Variants in PCDH15 observed in about 807,000 individuals in gnomAD.
PCDH15 encodes protocadherin related 15.
In PCDH15, 129 loss-of-function variants were observed where a neutral mutation model predicts 178.5. The ratio of observed to expected loss-of-function variants is 0.72; its 90% confidence interval spans 0.63 to 0.84. The LOEUF (loss-of-function observed/expected upper bound fraction) is 0.84, where lower values mean the gene tolerates loss of function less well. Ranked by LOEUF, PCDH15 falls within the 40% of genes least tolerant of loss-of-function variation. The pLI, the probability that PCDH15 is intolerant of heterozygous loss-of-function variation, is 0.00. For synonymous variants in PCDH15, 800 were observed against 732.0 expected (o/e 1.09, Z -1.50); for missense variants, 2,230 against 2,099.9 (o/e 1.06, Z -1.21).
chr10:55,281,308 C>T (rs1397112957), intron 1 of PCDH15, among the ~76,000 whole-genome samples: 1 of 151,916 alleles, frequency 6.6e-6, no homozygotes, highest in East Asian at 1.9e-4. Context: ...TTATTGCCTC[C>T]TTCATCATTT....
chr10:53,904,270 T>C (rs1363319615), intron 25 of PCDH15, among the ~76,000 whole-genome samples: 3 of 152,192 alleles, frequency 2.0e-5, no homozygotes, highest in Admixed American at 2.0e-4. Flanking sequence ...ATTTCAGTTA[T>C]GAACAAACGG....
At chr10:54,580,195 A>G (rs1003268740) in intron 2 of PCDH15, among the ~76,000 whole-genome samples, 50 of 152,196 alleles carry the variant, frequency 3.3e-4, no homozygotes, top group African/African-American at 1.1e-3. Flanking sequence ...TGGGACTTTG[A>G]AAGCATAAAC....
Position 53,821,758 on chromosome 10 carries a change from G to A in PCDH15, c.4368-1528C>T, listed in dbSNP as rs1477781107. The A allele has an allele frequency of 1.9e-6, 3 of 1,558,900 alleles. No individual in the cohort carries two copies. In the African/African-American group the frequency reaches 4.1e-5, roughly 22 times the overall value. Reference sequence around the variant, plus strand: ...AAAAAACTGCATTTCATTGAATTTGGGGTAAAATAATAGAGTCTTCTTTGA... The same window carrying A: ...AAAAAACTGCATTTCATTGAATTTGAGGTAAAATAATAGAGTCTTCTTTGA... On this transcript the variant is annotated intron_variant, in intron 32 of 37. Transcript: ENST00000644397.
At chr10:54,090,355 G>T (rs1056450025) in intron 15 of PCDH15, among the ~76,000 whole-genome samples, 1 of 152,092 alleles carries the variant, frequency 6.6e-6, no homozygotes, top group Admixed American at 6.6e-5. Flanking sequence ...TTAAATAAAA[G>T]CTGCTGGCTG....
intron 2 of PCDH15, among the ~76,000 whole-genome samples, chr10:55,049,710 G>A (rs1233327094): frequency 6.6e-6 from 1 of 151,746 alleles, no homozygotes; most frequent in Non-Finnish European, 1.5e-5. Context: ...ATAAAACAGT[G>A]TTTTCATAAT....
chr10:55,055,772 G>A (rs1841283115), intron 2 of PCDH15, among the ~76,000 whole-genome samples: 1 of 152,022 alleles, frequency 6.6e-6, no homozygotes. Context: ...TTGTGCCACT[G>A]CATTCCAACC....
chr10:55,287,687 G>T (rs771076777), intron 1 of PCDH15, among the ~76,000 whole-genome samples: 5 of 152,000 alleles, frequency 3.3e-5, no homozygotes, highest in Admixed American at 1.3e-4. Context: ...GTGTGTGTAT[G>T]TGTGTGTTTT....
chr10:53,988,523 C>T (rs2091260953), intron 21 of PCDH15, among the ~76,000 whole-genome samples: 1 of 152,096 alleles, frequency 6.6e-6, no homozygotes, highest in Admixed American at 6.6e-5. Context: ...CAAACATAGC[C>T]ACCATGCAAG....
chr10:54,230,280 G>GA (rs1425633381), intron 9 of PCDH15, among the ~76,000 whole-genome samples: 31 of 152,082 alleles, frequency 2.0e-4, no homozygotes, highest in Middle Eastern at 3.4e-3. Context: ...TATAATGTTT[G>GA]AAAAAACCAC....
At chr10:55,502,959 C>A (rs1840687382) in intron 2 of PCDH15, among the ~76,000 whole-genome samples, 1 of 151,394 alleles carries the variant, frequency 6.6e-6, no homozygotes, top group Admixed American at 6.6e-5. Flanking sequence ...AAATAAATTT[C>A]TGAAGGAGCA....
At chr10:54,076,509 G>A (rs1350519931) in intron 17 of PCDH15, among the ~76,000 whole-genome samples, 2 of 151,478 alleles carry the variant, frequency 1.3e-5, no homozygotes, top group East Asian at 1.9e-4. Flanking sequence ...TAGCTCTGGT[G>A]AGGACCTCTG....
intron 8 of PCDH15, among the ~76,000 whole-genome samples, chr10:54,261,350 A>T (rs529885789): frequency 6.6e-6 from 1 of 152,170 alleles, no homozygotes; most frequent in East Asian, 1.9e-4. Context: ...TACCAGAATG[A>T]TTTGTAATAC....
chr10:55,385,960 T>G (rs942445352), intron 2 of PCDH15, among the ~76,000 whole-genome samples: 1 of 151,658 alleles, frequency 6.6e-6, no homozygotes, highest in Non-Finnish European at 1.5e-5. Flanking sequence ...AAATAAAATT[T>G]GGATCTAAAG....
chr10:54,297,414 T>C (rs1243600981), intron 8 of PCDH15, among the ~76,000 whole-genome samples: 3 of 152,166 alleles, frequency 2.0e-5, no homozygotes, highest in African/African-American at 7.2e-5. Flanking sequence ...AGCTTGACTT[T>C]TTCTGTAAGA....
At chr10:54,129,674 C>T (rs1354782277) in intron 15 of PCDH15, among the ~76,000 whole-genome samples, 1 of 152,278 alleles carries the variant, frequency 6.6e-6, no homozygotes, top group East Asian at 1.9e-4. Flanking sequence ...TTAATTATAG[C>T]TCCCTGGCGG....
intron 2 of PCDH15, among the ~76,000 whole-genome samples, chr10:55,475,959 A>AT (rs762932698): frequency 1.8e-4 from 28 of 152,088 alleles, no homozygotes; most frequent in Non-Finnish European, 3.5e-4. Context: ...CAGTTGCACT[A>AT]TATCTGAATA....
intron 3 of PCDH15, among the ~76,000 whole-genome samples, chr10:54,895,303 A>G (rs887479050): frequency 5.9e-5 from 9 of 152,112 alleles, no homozygotes; most frequent in African/African-American, 1.9e-4. Context: ...TCTACAGATC[A>G]TTCCTAGCCT....
chr10:54,421,887 C>CTATATAT (rs1356899090), intron 3 of PCDH15, among the ~76,000 whole-genome samples: 2 of 88,028 alleles, frequency 2.3e-5, no homozygotes, highest in Non-Finnish European at 4.5e-5. Flanking sequence ...TATATATACA[C>CTATATAT]ACACACACTA....
At chr10:54,634,597 C>T (rs77995950) in intron 2 of PCDH15, among the ~76,000 whole-genome samples, 2,448 of 151,574 alleles carry the variant, frequency 0.016, 36 homozygotes, top group East Asian at 0.062. Flanking sequence ...TCTTACAAGA[C>T]GCTAAAGGAA....
Sources: allele counts gnomAD v4.1 joint callset (sites outside exome capture counted in the v4.1 genomes callset), GRCh38; gene constraint gnomAD v4.1.1; transcripts MANE v1.5; gene names NCBI Gene and HGNC (gene_info 2026-07-23, HGNC 2026-07-21).